The following LMNB1 variants were observed in gnomAD, a reference collection of about 807,000 sequenced individuals.
The protein encoded by LMNB1 is lamin-B1.
In LMNB1, 23 loss-of-function variants were observed where a neutral mutation model predicts 67.1. The ratio of observed to expected loss-of-function variants is 0.34; its 90% CI spans 0.25 to 0.49. LMNB1 has a LOEUF of 0.49. LMNB1 is among the 20% of genes least tolerant of loss of function. The pLI is 0.99. For synonymous variants in LMNB1, 281 were observed against 282.9 expected (o/e 0.99, Z 0.07); for missense variants, 634 against 746.5 (o/e 0.85, Z 1.76).
chr5:126,810,296 T>C lies in LMNB1; in HGVS notation c.759T>C (p.His253=), dbSNP rs1281101282. The part of the protein sequence containing the change: ...AQALHEMREQ[H]DAQVRLYKEE... ...CCCTTCATGAGATGAGAGAGCAACA[T>C]GATGCCCAAGTGAGGCTGTATAAGG... The change falls in exon 4 of 11, where the codon CAT becomes CAC. Residue 253 remains histidine, a synonymous_variant. Coordinates refer to ENST00000261366, the MANE Select transcript of LMNB1 (RefSeq NM_005573.4). The C allele has an allele frequency of 6.2e-7, 1 of 1,613,668 alleles. No individual in the cohort carries two copies. Among genetic ancestry groups the C allele is most frequent in the Non-Finnish European group, 8.5e-7 (1 of 1,179,710 alleles).
Position 126,828,638 on chromosome 5 carries a change from A to G in LMNB1, c.1611+2531A>G, listed in dbSNP as rs994771882. Among the ~76,000 whole-genome samples the G allele has an allele frequency of 3.3e-5, 5 of 150,118 alleles. No homozygotes were observed. In the Admixed American group the frequency reaches 3.3e-4, roughly 10 times the overall value. On this transcript the variant is annotated intron_variant, in intron 9 of 10. Coordinates refer to ENST00000261366, the MANE Select transcript of LMNB1 (RefSeq NM_005573.4). ...GTTGCCCAGGCTGGAGTGGAGTGGC[A>G]TAGCACGATCTCGGCTCACTGCAAC... is the stretch of plus-strand genomic sequence containing the variant.
At chr5:126,800,982 A>ATATATATTTTTTTTTTT in intron 1 of LMNB1, among the ~76,000 whole-genome samples, 4 of 18,632 alleles carry the variant, frequency 2.1e-4, no homozygotes, top group Non-Finnish European at 4.2e-4. Flanking sequence ...TATATATATA[A>ATATATATTTTTTTTTTT]TTTTTTTTTT....
chr5:126,796,419 T>G (rs116472693), intron 1 of LMNB1, among the ~76,000 whole-genome samples: 1 of 152,052 alleles, frequency 6.6e-6, no homozygotes, highest in Non-Finnish European at 1.5e-5. Context: ...GTTCAGACAC[T>G]AAGTTCCAGA....
intron 9 of LMNB1, among the ~76,000 whole-genome samples, chr5:126,827,697 G>T (rs955400111): frequency 6.6e-6 from 1 of 152,154 alleles, no homozygotes; most frequent in African/African-American, 2.4e-5. Context: ...TGTCAGGAGA[G>T]GGTCCAGAAT....
chr5:126,784,823 C>T (rs540987497), intron 1 of LMNB1, among the ~76,000 whole-genome samples: 1 of 151,300 alleles, frequency 6.6e-6, no homozygotes, highest in Admixed American at 6.6e-5. Context: ...CCACGCCGGG[C>T]TAATTTTTTT....
At chr5:126,804,175 C>T (rs1166252309) in intron 1 of LMNB1, among the ~76,000 whole-genome samples, 1 of 150,658 alleles carries the variant, frequency 6.6e-6, no homozygotes, top group East Asian at 1.9e-4. Context: ...TGGGCTCAAG[C>T]GATGTCCCCG....
chr5:126,819,773 C>T (rs568679108), intron 6 of LMNB1, among the ~76,000 whole-genome samples: 1 of 152,198 alleles, frequency 6.6e-6, no homozygotes, highest in East Asian at 1.9e-4. Context: ...CAGGTGTGAG[C>T]CACCACGCCC....
intron 1 of LMNB1, among the ~76,000 whole-genome samples, chr5:126,790,302 T>G (rs547161451): frequency 6.6e-6 from 1 of 151,152 alleles, no homozygotes; most frequent in Non-Finnish European, 1.5e-5. Context: ...GAAGGGGTTT[T>G]GCCATGTTGG....
intron 3 of LMNB1, among the ~76,000 whole-genome samples, chr5:126,805,960 G>C (rs1561744841): frequency 6.6e-6 from 1 of 151,970 alleles, no homozygotes; most frequent in Non-Finnish European, 1.5e-5. Flanking sequence ...TTGTTTTTTT[G>C]TTTTTGTTTT....
rs1435785807 is a variant in LMNB1 at position 126,826,033 on chromosome 5, C to T, written c.1537C>T (p.Leu513Phe). The change falls in exon 9 of 11, where the codon CTC becomes TTC. Residue 513 changes from leucine (L) to phenylalanine (F), a missense_variant. Coordinates refer to ENST00000261366, the MANE Select transcript of LMNB1 (RefSeq NM_005573.4). ...TGTCACAGCCAGCCCCCCAACTGAC[C>T]TCATCTGGAAGAACCAGAACTCGTG... ...AGVTASPPTD[L>F]IWKNQNSWGT... The T allele has an allele frequency of 6.2e-7, 1 of 1,613,972 alleles. No homozygotes were observed. The highest frequency in any genetic ancestry group is 8.5e-7 in the Non-Finnish European group (1 of 1,179,940).
At chr5:126,812,741 T>TC (rs1473869929) in intron 5 of LMNB1, among the ~76,000 whole-genome samples, 2 of 116,182 alleles carry the variant, frequency 1.7e-5, no homozygotes, top group African/African-American at 6.4e-5. Flanking sequence ...TTTTTTTTTT[T>TC]TCTTTTTGAG....
rs555556074 is a variant in LMNB1 at position 126,836,871 on chromosome 5, A to T, written c.*607A>T. On this transcript the variant is annotated 3_prime_UTR_variant, in exon 11 of 11. Transcript: ENST00000261366. ...GTTTTATGGTTACTTCTTCTCTTAG[A>T]TTCTTAATTCATGAGGAGGGTGGGG... 31 of 76,512 alleles carry T rather than the reference A, an allele frequency of 4.1e-4. No individual in the cohort carries two copies. Among genetic ancestry groups the T allele is most frequent in the African/African-American group, 1.3e-3 (24 of 18,522 alleles). The allele number at this position is 76,512 out of a possible 1,614,324, so 4.7% of individuals were successfully genotyped here. A position where few individuals can be genotyped will look rare whatever the true frequency, so the allele number is the denominator to read the frequency against.
At chr5:126,798,886 G>C (rs1168365586) in intron 1 of LMNB1, among the ~76,000 whole-genome samples, 1 of 152,138 alleles carries the variant, frequency 6.6e-6, no homozygotes, top group African/African-American at 2.4e-5. Context: ...AGGGTTTACA[G>C]TCTCTTGAGG....
chr5:126,802,920 CA>C (rs1261670398), intron 1 of LMNB1, among the ~76,000 whole-genome samples: 2 of 152,094 alleles, frequency 1.3e-5, no homozygotes, highest in Non-Finnish European at 2.9e-5. Flanking sequence ...TGCAGCAGCT[CA>C]TGCCTGTAAT....
At chr5:126,780,069 G>C (rs1432806113) in intron 1 of LMNB1, among the ~76,000 whole-genome samples, 1 of 151,988 alleles carries the variant, frequency 6.6e-6, no homozygotes, top group African/African-American at 2.4e-5. Context: ...GCGGGCGTCT[G>C]TAATCCCAGC....
intron 1 of LMNB1, among the ~76,000 whole-genome samples, chr5:126,792,802 C>T (rs1272154642): frequency 6.6e-6 from 1 of 151,844 alleles, no homozygotes; most frequent in Non-Finnish European, 1.5e-5. Context: ...TCTCAAACTC[C>T]CGACCTCAGG....
At chr5:126,800,965 AT>A (rs1561742433) in intron 1 of LMNB1, among the ~76,000 whole-genome samples, 19 of 73,074 alleles carry the variant, frequency 2.6e-4, no homozygotes, top group African/African-American at 5.5e-4. Context: ...ATATATATAT[AT>A]ATATATATAT....
At chr5:126,820,818 G>C in intron 6 of LMNB1, 92 bp from the exon 7 acceptor site, 2 of 996,982 alleles carry the variant, frequency 2.0e-6, no homozygotes, top group South Asian at 3.1e-5. Flanking sequence ...ATGAGCCTCT[G>C]TGCCCAGCCC....
chr5:126,799,894 G>A (rs1751222728), intron 1 of LMNB1, among the ~76,000 whole-genome samples: 1 of 152,196 alleles, frequency 6.6e-6, no homozygotes, highest in African/African-American at 2.4e-5. Flanking sequence ...ACCAAGGGCG[G>A]TAGCTGACTC....
Sources: allele counts gnomAD v4.1 joint callset (sites outside exome capture counted in the v4.1 genomes callset), GRCh38; gene constraint gnomAD v4.1.1; transcripts MANE v1.5; gene names NCBI Gene and HGNC (gene_info 2026-07-23, HGNC 2026-07-21).